BMPER: variants seen among roughly 807,000 people sequenced by gnomAD.
BMPER encodes BMP binding endothelial regulator.
A neutral mutation model predicts 87.3 loss-of-function variants in BMPER; 45 were observed. The observed-to-expected ratio is 0.52, with a 90% confidence interval of 0.41 to 0.66. The LOEUF (loss-of-function observed/expected upper bound fraction) is 0.66. Among genes scored for constraint, BMPER ranks in the 30% least tolerant of loss-of-function variants. BMPER has a pLI of 0.00. For missense variants in BMPER, 784 were observed against 867.5 expected, an observed-to-expected ratio of 0.90 and a Z score of 1.21; for synonymous variants, 326 against 316.2, an observed-to-expected ratio of 1.03 and a Z score of -0.33.
At chr7:34,041,912 A>G (rs1198649423) in intron 6 of BMPER, among the ~76,000 whole-genome samples, 1 of 152,162 alleles carries the variant, frequency 6.6e-6, no homozygotes, top group Non-Finnish European at 1.5e-5. Flanking sequence ...GCCTCTTGTT[A>G]GGGAGCCAAG....
intron 6 of BMPER, among the ~76,000 whole-genome samples, chr7:34,032,022 TATAAA>T (rs1787541347): frequency 6.8e-6 from 1 of 147,596 alleles, no homozygotes; most frequent in East Asian, 2.0e-4. Flanking sequence ...TATATATATA[TATAAA>T]ATAGTTAACA....
chr7:34,089,633 A>C (rs1178729072), intron 13 of BMPER, among the ~76,000 whole-genome samples: 2 of 151,902 alleles, frequency 1.3e-5, no homozygotes, highest in Non-Finnish European at 2.9e-5. Flanking sequence ...ATAGGCGCCC[A>C]CCACCACACC....
chr7:34,085,296 G>A (rs983790190), intron 12 of BMPER, among the ~76,000 whole-genome samples: 2 of 152,098 alleles, frequency 1.3e-5, no homozygotes, highest in South Asian at 2.1e-4. Flanking sequence ...TTTTCCTTTG[G>A]CATTGGGGGA....
At chr7:34,146,525 C>CTATTCACTCT (rs1019622069) in intron 14 of BMPER, among the ~76,000 whole-genome samples, 3 of 152,208 alleles carry the variant, frequency 2.0e-5, no homozygotes, top group African/African-American at 7.2e-5. Flanking sequence ...ATTTATATTA[C>CTATTCACTCT]TATTCACTCT....
chr7:34,100,139 G>A (rs1481534052), intron 13 of BMPER, among the ~76,000 whole-genome samples: 2 of 152,032 alleles, frequency 1.3e-5, no homozygotes, highest in Non-Finnish European at 2.9e-5. Flanking sequence ...CGATTACAGG[G>A]GTGAGATAAA....
At chr7:34,088,202 G>C (rs1789274849) in intron 13 of BMPER, among the ~76,000 whole-genome samples, 2 of 152,200 alleles carry the variant, frequency 1.3e-5, no homozygotes, top group African/African-American at 4.8e-5. Flanking sequence ...CTCCTGATCA[G>C]TGTCATTGTG....
At chr7:33,957,548 C>T (rs140390030) in intron 3 of BMPER, among the ~76,000 whole-genome samples, 1,798 of 152,000 alleles carry the variant, frequency 0.012, 16 homozygotes, top group Admixed American at 0.019. Context: ...AGAATGTACA[C>T]GTAATAAAAC....
chr7:34,130,368 C>T (rs1277815952), intron 13 of BMPER, among the ~76,000 whole-genome samples: 1 of 152,196 alleles, frequency 6.6e-6, no homozygotes, highest in African/African-American at 2.4e-5. Flanking sequence ...AGTATTCCTG[C>T]TAAGACCACC....
intron 6 of BMPER, among the ~76,000 whole-genome samples, chr7:33,993,302 A>C (rs2127928416): frequency 6.6e-6 from 1 of 151,836 alleles, no homozygotes; most frequent in East Asian, 1.9e-4. Context: ...TATTTCTTGG[A>C]GGCTTTGCTG....
chr7:34,008,496 A>G (rs938629274), intron 6 of BMPER, among the ~76,000 whole-genome samples: 2 of 151,922 alleles, frequency 1.3e-5, no homozygotes, highest in African/African-American at 2.4e-5. Flanking sequence ...ATGGTTTTAC[A>G]TTAATAATAT....
chr7:34,112,797 G>A (rs1412291740), intron 13 of BMPER, among the ~76,000 whole-genome samples: 4 of 151,026 alleles, frequency 2.6e-5, no homozygotes, highest in Admixed American at 6.6e-5. Context: ...ATTGTGCACC[G>A]AAGTTTTCAT....
chr7:33,920,711 C>G (rs1335612351), intron 2 of BMPER, among the ~76,000 whole-genome samples: 1 of 152,076 alleles, frequency 6.6e-6, no homozygotes. Flanking sequence ...AGGCGTGAGC[C>G]ATCGCACCTG....
intron 2 of BMPER, among the ~76,000 whole-genome samples, chr7:33,930,021 G>A (rs73317697): frequency 0.013 from 1,951 of 152,290 alleles, 23 homozygotes; most frequent in African/African-American, 0.041. Flanking sequence ...GCCACTTTAC[G>A]TTAAGGGCTT....
At chr7:34,150,176 G>A (rs1791136414) in intron 14 of BMPER, among the ~76,000 whole-genome samples, 1 of 152,154 alleles carries the variant, frequency 6.6e-6, no homozygotes, top group Non-Finnish European at 1.5e-5. Flanking sequence ...TGAGGTAGAA[G>A]AGGTTGGGAA....
At chr7:33,921,563 T>C in intron 2 of BMPER, among the ~76,000 whole-genome samples, 1 of 152,094 alleles carries the variant, frequency 6.6e-6, no homozygotes, top group East Asian at 1.9e-4. Context: ...GCAAATAGCT[T>C]CCCTGGGGAT....
chr7:34,075,598 T>TA (rs1313406309), intron 11 of BMPER, among the ~76,000 whole-genome samples: 1 of 152,208 alleles, frequency 6.6e-6, no homozygotes, highest in Non-Finnish European at 1.5e-5. Context: ...TCTTCTGACT[T>TA]ACGCATATTC....
chr7:33,952,052 C>T (rs1245100245), intron 3 of BMPER, among the ~76,000 whole-genome samples: 2 of 152,188 alleles, frequency 1.3e-5, no homozygotes, highest in Non-Finnish European at 2.9e-5. Flanking sequence ...TAGTATAGTA[C>T]TAATAAACTT....
chr7:34,038,603 T>C (rs1787748595), intron 6 of BMPER, among the ~76,000 whole-genome samples: 1 of 152,196 alleles, frequency 6.6e-6, no homozygotes, highest in Non-Finnish European at 1.5e-5. Flanking sequence ...AAACATTAAT[T>C]GGCATGCAAA....
chr7:34,101,817 A>G (rs923413589), intron 13 of BMPER, among the ~76,000 whole-genome samples: 5 of 152,174 alleles, frequency 3.3e-5, no homozygotes, highest in Non-Finnish European at 5.9e-5. Context: ...CCTCAGGCCC[A>G]GGACCCCCTC....
Sources: allele counts gnomAD v4.1 joint callset (sites outside exome capture counted in the v4.1 genomes callset), GRCh38; gene constraint gnomAD v4.1.1; transcripts MANE v1.5; gene names NCBI Gene and HGNC (gene_info 2026-07-23, HGNC 2026-07-21).